FHIT: variants seen among roughly 807,000 people sequenced by gnomAD.
The protein encoded by FHIT is fragile histidine triad diadenosine triphosphatase.
Under a neutral mutation model 17.9 loss-of-function variants are expected in FHIT, and 19 were observed. The observed-to-expected ratio is 1.06, with a 90% confidence interval of 0.74 to 1.56. FHIT has a LOEUF of 1.56. Ranked by LOEUF, FHIT falls within the 40% of genes most tolerant of loss-of-function variation. The pLI is 0.00. For missense variants in FHIT, 248 were observed against 189.2 expected, an observed-to-expected ratio of 1.31 and a Z score of -1.82; for synonymous variants, 81 against 69.7, an observed-to-expected ratio of 1.16 and a Z score of -0.81.
intron 5 of FHIT, among the ~76,000 whole-genome samples, chr3:60,528,067 G>C (rs1185547920): frequency 1.3e-5 from 2 of 152,144 alleles, no homozygotes; most frequent in Non-Finnish European, 2.9e-5. Context: ...TTGAACTCCT[G>C]GGCTAAAGCA....
intron 3 of FHIT, among the ~76,000 whole-genome samples, chr3:60,911,474 G>C (rs936285737): frequency 6.6e-6 from 1 of 151,816 alleles, no homozygotes; most frequent in African/African-American, 2.4e-5. Context: ...CTACAGTAAA[G>C]GTATTTGAGA....
At chr3:60,821,498 CA>C (rs1470168968) in intron 4 of FHIT, among the ~76,000 whole-genome samples, 78,625 of 151,864 alleles carry the variant, frequency 0.52, 21,342 homozygotes, top group East Asian at 0.84. Context: ...ATTCCACTAG[CA>C]TTCTCAAAGT....
intron 4 of FHIT, among the ~76,000 whole-genome samples, chr3:60,758,835 T>A (rs943350762): frequency 4.6e-5 from 7 of 152,168 alleles, no homozygotes; most frequent in Non-Finnish European, 8.8e-5. Context: ...CTCAATGATA[T>A]CTTATGTGCT....
intron 3 of FHIT, among the ~76,000 whole-genome samples, chr3:60,999,379 C>G (rs910472740): frequency 2.0e-5 from 3 of 151,712 alleles, no homozygotes; most frequent in African/African-American, 7.3e-5. Flanking sequence ...TTCCAAGCTA[C>G]AGTTCTTAGC....
chr3:60,914,050 G>A (rs1449229251), intron 3 of FHIT, among the ~76,000 whole-genome samples: 1 of 152,216 alleles, frequency 6.6e-6, no homozygotes, highest in Non-Finnish European at 1.5e-5. Flanking sequence ...GAAGAGGTCT[G>A]CACAGACAGT....
chr3:61,117,950 T>C lies in FHIT; in HGVS notation c.-163-75851A>G, dbSNP rs2036348535. 2.0e-5 allele frequency among the ~76,000 whole-genome samples: 3 copies of C among 152,198 alleles called. 1 individual carries two copies. The highest frequency in any genetic ancestry group is 2.0e-4 in the Admixed American group (3 of 15,278). Reference sequence around the variant, plus strand: ...AGGATGGGGCACTCTTTTGAGTTCATTTATACAAATCAGATTCTATTTCAT... The same window carrying C: ...AGGATGGGGCACTCTTTTGAGTTCACTTATACAAATCAGATTCTATTTCAT... On this transcript the variant is annotated intron_variant, in intron 2 of 9. Coordinates refer to ENST00000492590, the MANE Select transcript of FHIT (RefSeq NM_002012.4).
intron 5 of FHIT, among the ~76,000 whole-genome samples, chr3:60,084,878 A>C (rs566045013): frequency 3.7e-4 from 56 of 152,124 alleles, no homozygotes; most frequent in African/African-American, 1.3e-3. Flanking sequence ...TCTTAGAATC[A>C]GGGATGGGTT....
rs551779601 is a variant in FHIT at position 60,408,065 on chromosome 3, G to C, written c.103+128795C>G. On this transcript the variant is annotated intron_variant, in intron 5 of 9. Transcript: ENST00000492590. ...AGCTATCTGAGAAAATTTTCCTCAA[G>C]TCTTTTCAACCAGCACTCACCATGT... Among the ~76,000 whole-genome samples the C allele has an allele frequency of 5.3e-5, 8 of 152,270 alleles. No individual in the cohort carries two copies. The South Asian group carries it at 1.5e-3, about 28-fold the overall frequency.
intron 4 of FHIT, among the ~76,000 whole-genome samples, chr3:60,626,532 A>G (rs140760201): frequency 4.3e-4 from 65 of 152,276 alleles, no homozygotes; most frequent in African/African-American, 1.5e-3. Context: ...AATAGAGAGA[A>G]TGAGTTTGTG....
At chr3:60,590,354 A>T (rs1407006979) in intron 4 of FHIT, among the ~76,000 whole-genome samples, 1 of 152,074 alleles carries the variant, frequency 6.6e-6, no homozygotes, top group Non-Finnish European at 1.5e-5. Context: ...CCACAGCAGC[A>T]AACTAGAACC....
chr3:60,029,198 A>G (rs1700877397), intron 5 of FHIT, among the ~76,000 whole-genome samples: 1 of 152,168 alleles, frequency 6.6e-6, no homozygotes, highest in Non-Finnish European at 1.5e-5. Context: ...ATGATTAGAG[A>G]AAAACGTTAA....
intron 5 of FHIT, among the ~76,000 whole-genome samples, chr3:60,312,672 T>C (rs372397399): frequency 7.9e-5 from 12 of 152,278 alleles, no homozygotes; most frequent in African/African-American, 2.2e-4. Context: ...TGCCAGCCTA[T>C]CAACTACCTT....
chr3:59,970,414 G>T (rs1708122331), intron 7 of FHIT, among the ~76,000 whole-genome samples: 1 of 152,060 alleles, frequency 6.6e-6, no homozygotes, highest in African/African-American at 2.4e-5. Context: ...CAAACACAAG[G>T]GTGTTGCTTA....
chr3:61,169,908 C>G (rs552306435), intron 2 of FHIT, among the ~76,000 whole-genome samples: 2 of 152,114 alleles, frequency 1.3e-5, no homozygotes, highest in South Asian at 2.1e-4. Context: ...TAAGGGAATT[C>G]TTGCTAAATT....
At chr3:60,297,732 C>T (rs902618369) in intron 5 of FHIT, among the ~76,000 whole-genome samples, 2 of 152,086 alleles carry the variant, frequency 1.3e-5, no homozygotes. Flanking sequence ...CCTACTCTCA[C>T]ACACTACTCA....
chr3:60,280,543 G>T lies in FHIT; in HGVS notation c.103+256317C>A, dbSNP rs377623572. Among the ~76,000 whole-genome samples the T allele has an allele frequency of 3.9e-5, 6 of 152,192 alleles. 1 individual carries two copies. Among genetic ancestry groups the T allele is most frequent in the South Asian group, 2.1e-4 (1 of 4,814 alleles). Reference sequence around the variant, plus strand: ...CACAGACTCATCAAGAAGCCAGTGTGACCAGGAACACAGAGATCACTGTCA... The same window carrying T: ...CACAGACTCATCAAGAAGCCAGTGTTACCAGGAACACAGAGATCACTGTCA... On this transcript the variant is annotated intron_variant, in intron 5 of 9. Coordinates refer to ENST00000492590, the MANE Select transcript of FHIT (RefSeq NM_002012.4).
chr3:60,913,443 C>A (rs1706843152), intron 3 of FHIT, among the ~76,000 whole-genome samples: 2 of 152,156 alleles, frequency 1.3e-5, no homozygotes, highest in Non-Finnish European at 2.9e-5. Context: ...AGTCTTAGGT[C>A]TCACCCTAGA....
At chr3:60,927,478 C>T (rs542772064) in intron 3 of FHIT, among the ~76,000 whole-genome samples, 1 of 152,242 alleles carries the variant, frequency 6.6e-6, no homozygotes, top group African/African-American at 2.4e-5. Context: ...CTCTGCCTGG[C>T]CACCCAGTCT....
chr3:60,791,660 T>C (rs1553728500), intron 4 of FHIT, among the ~76,000 whole-genome samples: 1 of 152,136 alleles, frequency 6.6e-6, no homozygotes, highest in Non-Finnish European at 1.5e-5. Flanking sequence ...AACAATATAA[T>C]ACACCTGAGG....
Sources: allele counts gnomAD v4.1 joint callset (sites outside exome capture counted in the v4.1 genomes callset), GRCh38; gene constraint gnomAD v4.1.1; transcripts MANE v1.5; gene names NCBI Gene and HGNC (gene_info 2026-07-23, HGNC 2026-07-21).